Variants in TBXT observed in about 807,000 individuals in gnomAD.
TBXT encodes T-box transcription factor T.
A neutral mutation model predicts 41.1 loss-of-function variants in TBXT; 19 were observed. The observed-to-expected ratio is 0.46, with a 90% CI of 0.32 to 0.68. The LOEUF is 0.68. Among genes scored for constraint, TBXT ranks in the 30% least tolerant of loss-of-function variants. TBXT has a pLI of 0.03. For synonymous variants in TBXT, 213 were observed against 238.9 expected (o/e 0.89, Z 1.00); for missense variants, 536 against 582.0 (o/e 0.92, Z 0.81).
At position 166,162,589 on chromosome 6, in the gene TBXT, C is replaced by G; in HGVS notation, c.765G>C (p.Leu255=). The G allele has an allele frequency of 1.2e-6, 2 of 1,614,006 alleles. No individual in the cohort carries two copies. The highest frequency in any genetic ancestry group is 1.7e-6 in the Non-Finnish European group (2 of 1,179,942). ...GAGGATGAGGATTTGCAGGTGGACA[C>G]AGGGTGCTGGTTCCAGGAAGAAGCC... ...GGWLLPGTST[L]CPPANPHPQF... is the part of the protein sequence containing the mutation. The change falls in exon 6 of 8, where the codon CTG becomes CTC. Residue 255 remains leucine, a synonymous_variant. Transcript: ENST00000366876.
chr6:166,162,456 T>A lies in TBXT; in HGVS notation c.898A>T (p.Asn300Tyr), dbSNP rs757674783. Residue 300 changes from asparagine to tyrosine, a missense_variant, in exon 6 of 8, where the codon AAT becomes TAT. By Grantham distance (143) the Asn-to-Tyr change is moderately radical. Coordinates refer to ENST00000366876, the MANE Select transcript of TBXT (RefSeq NM_001366285.2). ...PYPSPYAHRN[N>Y]SPTYSDNSPA... ...GAGGCTGAGGACTCACTTGGAGAAT[T>A]GTTCCGATGAGCATAGGGGCTGGGG... 6.2e-7 allele frequency: 1 copy of A among 1,614,106 alleles called. No individual in the cohort carries two copies. The highest frequency in any genetic ancestry group is 8.5e-7 in the Non-Finnish European group (1 of 1,180,018).
chr6:166,167,279 C>T, intron 1 of TBXT, 107 bp downstream of exon 1: 1 of 1,281,018 alleles, frequency 7.8e-7, no homozygotes, highest in South Asian at 1.3e-5. Flanking sequence ...AAACACAAAG[C>T]CCTCCTCCAG....
Position 166,158,326 on chromosome 6 carries a change from G to C in TBXT, c.1300C>G (p.Pro434Ala). The change falls in exon 8 of 8, where the codon CCT (proline) becomes GCT (alanine). Residue 434 changes from proline to alanine, a missense_variant. Transcript: ENST00000366876. The stretch of plus-strand genomic sequence containing the variant: ...TGGGCCTTGCTGCTTCACATGGAAG[G>C]TGGCGACACAGGTGTCCATGAGGCT... ...LIASWTPVSP[P>A]SM 6.2e-7 allele frequency: 1 copy of C among 1,614,260 alleles called. No individual in the cohort carries two copies. The highest frequency in any genetic ancestry group is 1.1e-5 in the South Asian group (1 of 91,084).
At position 166,158,162 on chromosome 6, in the gene TBXT, T is replaced by C; in HGVS notation, c.*153A>G. 1 of 1,181,942 alleles carries C rather than the reference T, an allele frequency of 8.5e-7. No homozygotes were observed. The highest frequency in any genetic ancestry group is 1.2e-6 in the Non-Finnish European group (1 of 812,598). The allele number at this position is 1,181,942 out of a possible 1,614,324, so 73.2% of individuals were successfully genotyped here. On this transcript the variant is annotated 3_prime_UTR_variant, in exon 8 of 8. Coordinates refer to ENST00000366876, the MANE Select transcript of TBXT (RefSeq NM_001366285.2). Reference sequence around the variant, plus strand: ...GCTGGGGCTCTGGGGAAAGGTGCCGTGTGCTCCTCCACTGCTTTGAAAAGG... The same window carrying C: ...GCTGGGGCTCTGGGGAAAGGTGCCGCGTGCTCCTCCACTGCTTTGAAAAGG...
intron 6 of TBXT, among the ~76,000 whole-genome samples, 186 bp downstream of exon 6, chr6:166,162,261 C>A (rs1778980357): frequency 6.6e-6 from 1 of 152,240 alleles, no homozygotes; most frequent in Non-Finnish European, 1.5e-5. Context: ...GTTGTTCCGC[C>A]AGCAGCGGCA....
chr6:166,167,918 A>G (rs963402491), upstream of TBXT: 5 of 427,522 alleles, frequency 1.2e-5, no homozygotes, highest in South Asian at 2.4e-5. Context: ...TGCTCGGCGG[A>G]TTGGGCCGCG....
At chr6:166,164,525 T>C (rs376091001) in intron 5 of TBXT, 80 bp downstream of exon 5, 2 of 1,537,510 alleles carry the variant, frequency 1.3e-6, no homozygotes, top group East Asian at 2.2e-5. Context: ...ACCCTTGTCT[T>C]CTCCATCTCC....
At chr6:166,163,799 G>A (rs555691212) in intron 5 of TBXT, among the ~76,000 whole-genome samples, 36 of 152,386 alleles carry the variant, frequency 2.4e-4, no homozygotes, top group African/African-American at 8.7e-4. Context: ...GCACTGGAAG[G>A]AAGGGTGCAG....
At position 166,158,287 on chromosome 6, in the gene TBXT, C is replaced by T. The variant is rs1778843303; in HGVS notation, c.*28G>A. The T allele has an allele frequency of 6.2e-7, 1 of 1,614,128 alleles. No homozygotes were observed. The highest frequency in any genetic ancestry group is 1.1e-5 in the South Asian group (1 of 91,084). Reference sequence around the variant, plus strand: ...TGGCTGCCACGACAAAAAGTCACTGCATCTTTCGGGACCTGGGCCTTGCTG... The same window carrying T: ...TGGCTGCCACGACAAAAAGTCACTGTATCTTTCGGGACCTGGGCCTTGCTG... On this transcript the variant is annotated 3_prime_UTR_variant, in exon 8 of 8. Transcript: ENST00000366876.
At chr6:166,163,805 T>G (rs1582968235) in intron 5 of TBXT, among the ~76,000 whole-genome samples, 1 of 152,224 alleles carries the variant, frequency 6.6e-6, no homozygotes, top group African/African-American at 2.4e-5. Context: ...GAAGGAAGGG[T>G]GCAGACGTGC....
chr6:166,159,001 C>T (rs550262933), intron 7 of TBXT, among the ~76,000 whole-genome samples: 2 of 152,084 alleles, frequency 1.3e-5, no homozygotes, highest in East Asian at 3.9e-4. Context: ...GGTGAAACCC[C>T]GTCTCTACTA....
rs748415738 is a variant in TBXT at position 166,167,546 on chromosome 6, G to T, written c.46C>A (p.Arg16=). The change falls in exon 1 of 8, where the codon CGA becomes AGA. Residue 16 remains arginine (R), a synonymous_variant. Transcript: ENST00000366876. ...TESAGKSLQY[R]VDHLLSAVEN... ...ACGGCGCTCAGCAGGTGGTCCACTC[G>T]GTACTGCAGGCTCTTTCCCGCGCTC... 3.1e-6 allele frequency: 5 copies of T among 1,593,108 alleles called. No individual in the cohort carries two copies. The South Asian group carries it at 4.5e-5, about 14-fold the overall frequency.
chr6:166,158,643 A>G lies in TBXT; in HGVS notation c.1038-55T>C, dbSNP rs527530389. On this transcript the variant is annotated intron_variant, in intron 7 of 7. Transcript: ENST00000366876. ...CCTGGGCAGGGGCTGCAGGCCAGCT[A>G]AGGATGGAAAAACACACCAGAAATC... 1.0e-4 allele frequency: 151 copies of G among 1,442,862 alleles called. 3 individuals carry two copies. In the East Asian group the frequency reaches 3.7e-3, roughly 36 times the overall value. The allele number at this position is 1,442,862 out of a possible 1,614,324, so 89.4% of individuals were successfully genotyped here. A position where few individuals can be genotyped will look rare whatever the true frequency, so the allele number is the denominator to read the frequency against.
chr6:166,162,131 C>T (rs1778976785), intron 6 of TBXT, among the ~76,000 whole-genome samples: 1 of 152,228 alleles, frequency 6.6e-6, no homozygotes, highest in South Asian at 2.1e-4. Context: ...AACCTGGGCT[C>T]TCCTCCTAAG....
chr6:166,159,787 G>A (rs1361728195), intron 7 of TBXT, among the ~76,000 whole-genome samples: 3 of 152,300 alleles, frequency 2.0e-5, no homozygotes, highest in Non-Finnish European at 2.9e-5. Context: ...AAAGCTTCAG[G>A]TTCTAAGATG....
intron 3 of TBXT, among the ~76,000 whole-genome samples, 179 bp downstream of exon 3, chr6:166,165,527 C>T (rs939143527): frequency 6.6e-6 from 1 of 152,166 alleles, no homozygotes; most frequent in Non-Finnish European, 1.5e-5. Flanking sequence ...TGAATGGGGA[C>T]TTAATTTAAA....
rs777583035 is a variant in TBXT, at chr6:166,165,683, C to A, written c.606+23G>T. ...ACCACACCGCAGCACACCGGGAAAG[C>A]GATCCGCCTCTGTCCTTCTCACCTC... On this transcript the variant is annotated intron_variant, in intron 3 of 7. Coordinates refer to ENST00000366876, the MANE Select transcript of TBXT (RefSeq NM_001366285.2). The A allele has an allele frequency of 1.9e-6, 3 of 1,613,346 alleles. No homozygotes were observed. In the East Asian group the frequency reaches 6.7e-5, roughly 36 times the overall value.
rs116810775 is a variant in TBXT at position 166,165,061 on chromosome 6, A to G, written c.607-200T>C. ...GTAGCATGCTTATGAAAAATTTTCA[A>G]TGTCAATGTTCTGAGTGGGATTCAC... On this transcript the variant is annotated intron_variant, in intron 3 of 7. Coordinates refer to ENST00000366876, the MANE Select transcript of TBXT (RefSeq NM_001366285.2). Among the ~76,000 whole-genome samples, 641 of 152,334 alleles carry G rather than the reference A, an allele frequency of 4.2e-3. 9 individuals carry two copies. Among genetic ancestry groups the G allele is most frequent in the African/African-American group, 0.014 (596 of 41,574 alleles).
intron 6 of TBXT, among the ~76,000 whole-genome samples, chr6:166,161,704 C>A (rs573483238): frequency 5.3e-5 from 8 of 151,874 alleles, no homozygotes; most frequent in Admixed American, 6.5e-5. Flanking sequence ...GGGTGGATCA[C>A]GAGGTCAGAA....
Sources: allele counts gnomAD v4.1 joint callset (sites outside exome capture counted in the v4.1 genomes callset), GRCh38; gene constraint gnomAD v4.1.1; transcripts MANE v1.5; gene names NCBI Gene and HGNC (gene_info 2026-07-23, HGNC 2026-07-21).